UNC79: variants seen among roughly 807,000 people sequenced by gnomAD.
The protein encoded by UNC79 is unc-79 subunit of NALCN channel complex.
UNC79 carries 37 observed loss-of-function variants against 283.1 expected under a neutral mutation model. The observed-to-expected ratio is 0.13, with a 90% confidence interval of 0.10 to 0.17. The LOEUF is 0.17. UNC79 is among the 10% of genes least tolerant of loss of function. The pLI, the probability that UNC79 is intolerant of heterozygous loss-of-function variation, is 1.00. For synonymous variants in UNC79, 1,107 were observed against 1,200.2 expected (o/e 0.92, Z 1.61); for missense variants, 2,272 against 3,211.1 (o/e 0.71, Z 7.07).
intron 18 of UNC79, among the ~76,000 whole-genome samples, chr14:93,578,717 A>C (rs370063612): frequency 1.3e-5 from 2 of 152,360 alleles, no homozygotes; most frequent in East Asian, 3.9e-4. Flanking sequence ...ATTCTCTTAC[A>C]TAAACACAGT....
chr14:93,630,951 T>C, intron 31 of UNC79, 43 bp downstream of exon 33: 2 of 1,539,374 alleles, frequency 1.3e-6, no homozygotes, highest in Non-Finnish European at 1.8e-6. Flanking sequence ...GCATTTATTT[T>C]GGAACACTGT....
intron 48 of UNC79, among the ~76,000 whole-genome samples, chr14:93,704,918 G>A (rs929735768): frequency 2.6e-5 from 4 of 152,128 alleles, no homozygotes; most frequent in Admixed American, 6.5e-5. Flanking sequence ...CAGGGTCTGA[G>A]CAAGCCTCAA....
chr14:93,372,452 C>A (rs184927207), intron 1 of UNC79, among the ~76,000 whole-genome samples: 1 of 152,142 alleles, frequency 6.6e-6, no homozygotes, highest in Non-Finnish European at 1.5e-5. Context: ...TATAAAGACA[C>A]GTATAGTTTA....
chr14:93,438,953 A>G (rs577096320), intron 1 of UNC79, among the ~76,000 whole-genome samples: 197 of 151,600 alleles, frequency 1.3e-3, no homozygotes, highest in African/African-American at 3.9e-3. Flanking sequence ...CTTGCTTAGT[A>G]TTTTCTTTCG....
At chr14:93,532,424 G>T in intron 10 of UNC79, 126 bp from the exon 11 acceptor site, 1 of 1,099,022 alleles carries the variant, frequency 9.1e-7, no homozygotes. Flanking sequence ...GGGCTATGAT[G>T]GTGCCATTGC....
chr14:93,602,894 G>T (rs974326605), intron 25 of UNC79, among the ~76,000 whole-genome samples: 3 of 152,040 alleles, frequency 2.0e-5, no homozygotes, highest in Non-Finnish European at 4.4e-5. Context: ...TCCCACCATG[G>T]CCTCCCAAAG....
intron 4 of UNC79, among the ~76,000 whole-genome samples, chr14:93,479,906 G>A (rs2058036945): frequency 6.6e-6 from 1 of 152,176 alleles, no homozygotes; most frequent in Non-Finnish European, 1.5e-5. Flanking sequence ...GTGCTGGGAG[G>A]CGATGGTGGG....
At position 93,621,429 on chromosome 14, in the gene UNC79, C is replaced by A. The variant is rs10148274; in HGVS notation, c.4388-192C>A. ...AGATCTTAAACTGCCATTTTGGTTT[C>A]TTTCATTCGTAAATTTTCCAGTTTT... On this transcript the variant is annotated intron_variant, in intron 29 of 48. Coordinates refer to ENST00000555664, the Ensembl canonical transcript of UNC79. The surrounding 1 kb of genome is among the most constrained non-coding windows in gnomAD (Gnocchi z 4.8). 0.68 allele frequency among the ~76,000 whole-genome samples: 103,369 copies of A among 152,064 alleles called. 35,399 individuals carry two copies. The highest frequency in any genetic ancestry group is 0.72 in the Admixed American group (10,969 of 15,284).
intron 1 of UNC79, among the ~76,000 whole-genome samples, chr14:93,351,438 G>T (rs187968397): frequency 6.6e-6 from 1 of 152,180 alleles, no homozygotes; most frequent in Non-Finnish European, 1.5e-5. Context: ...AGAAGTTATT[G>T]TTTGAGGATA....
chr14:93,697,723 T>C (rs1173594448), intron 47 of UNC79, among the ~76,000 whole-genome samples: 2 of 152,158 alleles, frequency 1.3e-5, no homozygotes, highest in Admixed American at 6.5e-5. Flanking sequence ...CTGGACAGCC[T>C]GGCAGCATAT....
At chr14:93,679,127 C>T (rs2073609487) in intron 41 of UNC79, among the ~76,000 whole-genome samples, 2 of 152,138 alleles carry the variant, frequency 1.3e-5, no homozygotes, top group Admixed American at 1.3e-4. Context: ...TGTTTAAGTT[C>T]AAATCAGAAA....
At chr14:93,699,296 T>TGCCTTC (rs2075367533) in intron 47 of UNC79, among the ~76,000 whole-genome samples, 1 of 152,158 alleles carries the variant, frequency 6.6e-6, no homozygotes, top group African/African-American at 2.4e-5. Flanking sequence ...TGGATTAAGG[T>TGCCTTC]TTTTATGATT....
chr14:93,511,605 G>A (rs146293936), intron 7 of UNC79, among the ~76,000 whole-genome samples: 2,132 of 151,928 alleles, frequency 0.014, 54 homozygotes, highest in African/African-American at 0.049. Context: ...GTGCCACCAC[G>A]CCCAACTAAT....
chr14:93,524,418 A>G (rs928705109), intron 8 of UNC79, among the ~76,000 whole-genome samples: 5 of 152,226 alleles, frequency 3.3e-5, no homozygotes, highest in African/African-American at 1.2e-4. Flanking sequence ...ATGCAAATTC[A>G]GGAGTGGTAG....
At chr14:93,677,695 G>T (rs1256183030) in intron 41 of UNC79, among the ~76,000 whole-genome samples, 1 of 152,108 alleles carries the variant, frequency 6.6e-6, no homozygotes, top group Non-Finnish European at 1.5e-5. Context: ...TGTCACCCAG[G>T]CTGGAGTGCA....
At chr14:93,658,366 G>T (rs894561822) in intron 38 of UNC79, among the ~76,000 whole-genome samples, 10 of 152,198 alleles carry the variant, frequency 6.6e-5, no homozygotes, top group Non-Finnish European at 1.2e-4. Flanking sequence ...TTGAGGATTT[G>T]CATTCTGGCA....
At chr14:93,536,589 A>G (rs895244620) in intron 11 of UNC79, among the ~76,000 whole-genome samples, 12 of 152,076 alleles carry the variant, frequency 7.9e-5, no homozygotes, top group African/African-American at 1.7e-4. Flanking sequence ...TTATGTCTCA[A>G]TTTATAAACC....
chr14:93,413,333 A>G (rs1595445496), intron 1 of UNC79, among the ~76,000 whole-genome samples: 1 of 152,020 alleles, frequency 6.6e-6, no homozygotes, highest in African/African-American at 2.4e-5. Flanking sequence ...AATTTCATCC[A>G]TGTCCCTACA....
At chr14:93,493,641 G>T (rs2058844715) in intron 5 of UNC79, among the ~76,000 whole-genome samples, 1 of 152,008 alleles carries the variant, frequency 6.6e-6, no homozygotes, top group South Asian at 2.1e-4. Flanking sequence ...CTAACTGGAT[G>T]CATGGTGGTC....
Sources: allele counts gnomAD v4.1 joint callset (sites outside exome capture counted in the v4.1 genomes callset), GRCh38; gene constraint gnomAD v4.1.1; non-coding constraint Gnocchi (gnomAD v3.1); transcripts MANE v1.5; gene names NCBI Gene and HGNC (gene_info 2026-07-23, HGNC 2026-07-21).